TUT4: variants seen among roughly 807,000 people sequenced by gnomAD.
TUT4 encodes the protein terminal uridylyltransferase 4.
Under a neutral mutation model 192.2 loss-of-function variants are expected in TUT4, and 36 were observed. That is an observed-to-expected ratio of 0.19 (90% CI 0.14 to 0.25). The LOEUF is 0.25. Among genes scored for constraint, TUT4 ranks in the 10% least tolerant of loss-of-function variants. The probability of loss-of-function intolerance (pLI) is 1.00; values close to 1 mark genes in which losing one functional copy is unlikely to be tolerated. For synonymous variants in TUT4, 618 were observed against 666.0 expected (o/e 0.93, Z 1.11); for missense variants, 1,493 against 1,957.2 (o/e 0.76, Z 4.47).
At chr1:52,471,714 C>T (rs1248338536) in intron 14 of TUT4, among the ~76,000 whole-genome samples, 4 of 152,162 alleles carry the variant, frequency 2.6e-5, no homozygotes, top group Admixed American at 1.3e-4. Flanking sequence ...CCATGTTAGA[C>T]AGCTCATATC....
At chr1:52,541,412 A>C (rs530175482) in intron 1 of TUT4, among the ~76,000 whole-genome samples, 1 of 151,810 alleles carries the variant, frequency 6.6e-6, no homozygotes, top group Non-Finnish European at 1.5e-5. Flanking sequence ...GGCGCCAGTA[A>C]TCCCAGCTAC....
chr1:52,463,931 T>C (rs1057512633), intron 16 of TUT4, among the ~76,000 whole-genome samples: 2 of 152,140 alleles, frequency 1.3e-5, no homozygotes, highest in African/African-American at 4.8e-5. Flanking sequence ...GTACTATATT[T>C]CAGCTACATT....
At chr1:52,521,234 CA>C (rs1319759720) in intron 2 of TUT4, among the ~76,000 whole-genome samples, 1 of 151,992 alleles carries the variant, frequency 6.6e-6, no homozygotes, top group Non-Finnish European at 1.5e-5. Context: ...ATGTAGTGGA[CA>C]CCAAAAAACA....
At position 52,481,679 on chromosome 1, in the gene TUT4, A is replaced by T. The variant is rs201235348; in HGVS notation, c.1636-44T>A. The T allele has an allele frequency of 0.052, 13,632 of 263,198 alleles. 12 individuals carry two copies. Among genetic ancestry groups the T allele is most frequent in the Non-Finnish European group, 0.071 (11,721 of 165,078 alleles). The allele number at this position is 263,198 out of a possible 1,614,324, so 16.3% of individuals were successfully genotyped here. A position where few individuals can be genotyped will look rare whatever the true frequency, so the allele number is the denominator to read the frequency against. ...CAAATTGGTAGTGGAAAAATTATTT[A>T]AAAAAAAAAAAAAAGATGGACAAAC... On this transcript the variant is annotated intron_variant, in intron 10 of 29. Transcript: ENST00000257177.
chr1:52,485,913 A>AG (rs1669674951), intron 9 of TUT4, among the ~76,000 whole-genome samples: 53 of 152,220 alleles, frequency 3.5e-4, no homozygotes, highest in Admixed American at 3.1e-3. Context: ...TAGACAATGA[A>AG]GATTTAGGAT....
At chr1:52,437,945 A>G (rs1283937889) in intron 25 of TUT4, among the ~76,000 whole-genome samples, 2 of 152,148 alleles carry the variant, frequency 1.3e-5, no homozygotes, top group African/African-American at 2.4e-5. Flanking sequence ...ACAGGGCGAG[A>G]TGCCGTCTCA....
At chr1:52,456,080 T>C (rs1660848081) in intron 20 of TUT4, among the ~76,000 whole-genome samples, 1 of 152,016 alleles carries the variant, frequency 6.6e-6, no homozygotes, top group African/African-American at 2.4e-5. Flanking sequence ...CTGTGGTACA[T>C]CCCAACAATG....
In TUT4 at chr1:52,481,493, T is replaced by C; in HGVS notation, c.1778A>G (p.Gln593Arg). The C allele has an allele frequency of 6.2e-7, 1 of 1,614,062 alleles. No individual in the cohort carries two copies. The highest frequency in any genetic ancestry group is 8.5e-7 in the Non-Finnish European group (1 of 1,179,982). ...TGTCTTCTTGGTATCATCTTTTGGT[T>C]GGTCTGCCTTAGCTTTGTTTTCCTC... The part of the protein sequence containing the change: ...IAEENKAKAD[Q>R]PKDDTKKTET... The change falls in exon 11 of 30, where the codon CAA (glutamine) becomes CGA (arginine). Residue 593 changes from glutamine (Q) to arginine (R), a missense_variant. Coordinates refer to ENST00000257177, the MANE Select transcript of TUT4 (RefSeq NM_001009881.3).
intron 1 of TUT4, among the ~76,000 whole-genome samples, chr1:52,549,136 G>T (rs1056492416): frequency 9.9e-5 from 15 of 152,114 alleles, no homozygotes; most frequent in Non-Finnish European, 2.1e-4. Flanking sequence ...CTAAAAACGG[G>T]TAAACTCTGT....
intron 28 of TUT4, among the ~76,000 whole-genome samples, chr1:52,429,161 G>C (rs141596339): frequency 0.012 from 1,794 of 143,856 alleles, 31 homozygotes; most frequent in African/African-American, 0.044. Context: ...TCGGCTCACT[G>C]CAAGTTCTGC....
intron 20 of TUT4, among the ~76,000 whole-genome samples, chr1:52,452,275 C>T (rs1659655438): frequency 6.6e-6 from 1 of 152,190 alleles, no homozygotes; most frequent in Non-Finnish European, 1.5e-5. Flanking sequence ...TTCAACATCT[C>T]AAACTCAACT....
At chr1:52,516,317 T>C (rs1678700483) in intron 2 of TUT4, among the ~76,000 whole-genome samples, 1 of 152,124 alleles carries the variant, frequency 6.6e-6, no homozygotes. Flanking sequence ...AACTGAGACT[T>C]ACATTACACA....
intron 12 of TUT4, among the ~76,000 whole-genome samples, chr1:52,476,141 G>C (rs78820627): frequency 1.3e-5 from 2 of 151,936 alleles, no homozygotes; most frequent in South Asian, 4.1e-4. Flanking sequence ...CACTGCACCC[G>C]GGTCACAGTG....
At position 52,438,404 on chromosome 1, in the gene TUT4, C is replaced by T. The variant is rs1036931391; in HGVS notation, c.3823-69G>A. On this transcript the variant is annotated intron_variant, in intron 24 of 29. Transcript: ENST00000257177. ...CTTTTGAATCCAAATGGAAAGAAGA[C>T]CAAGATGCAAACATGGTTTATTTTT... 1.4e-4 allele frequency: 140 copies of T among 1,031,464 alleles called. No homozygotes were observed. In the African/African-American group the frequency reaches 1.9e-3, roughly 14 times the overall value. 63.9% of individuals were successfully genotyped at this position (1,031,464 alleles called of 1,614,324 possible).
At chr1:52,496,203 T>C (rs1054577384) in intron 5 of TUT4, among the ~76,000 whole-genome samples, 2 of 152,240 alleles carry the variant, frequency 1.3e-5, no homozygotes, top group Non-Finnish European at 2.9e-5. Context: ...GTTGTATATA[T>C]AAAAGTCTAC....
intron 7 of TUT4, 96 bp from the exon 8 acceptor site, chr1:52,490,897 C>T (rs775874119): frequency 6.5e-5 from 65 of 1,002,934 alleles, no homozygotes; most frequent in Non-Finnish European, 9.3e-5. Flanking sequence ...GAAAATTATT[C>T]TCATTGCTTC....
intron 26 of TUT4, 71 bp from the exon 27 acceptor site, chr1:52,435,536 C>T (rs567937895): frequency 8.7e-7 from 1 of 1,146,158 alleles, no homozygotes; most frequent in African/African-American, 1.5e-5. Context: ...AAATAAACTC[C>T]CTTCTTATGT....
chr1:52,502,609 CTTTTTTTT>C (rs919559320), intron 4 of TUT4, among the ~76,000 whole-genome samples: 6 of 82,130 alleles, frequency 7.3e-5, no homozygotes, highest in Admixed American at 3.5e-4. Flanking sequence ...TCTTAGCCCT[CTTTTTTTT>C]TTTTTTTTTT....
intron 19 of TUT4, 105 bp downstream of exon 19, chr1:52,461,029 C>T (rs1361555437): frequency 1.6e-5 from 14 of 874,416 alleles, no homozygotes; most frequent in Admixed American, 2.7e-5. Flanking sequence ...TTTTTAAAAG[C>T]TCAGATAAAC....
Sources: gnomAD v4.1 joint callset for allele counts (sites outside exome capture counted in the v4.1 genomes callset) on GRCh38, gnomAD v4.1.1 for gene constraint, MANE v1.5 for transcripts, NCBI Gene and HGNC (gene_info 2026-07-23, HGNC 2026-07-21) for gene names.